The following FAM193A variants were observed in gnomAD, a reference collection of about 807,000 sequenced individuals.
The protein encoded by FAM193A is protein FAM193A.
Under a neutral mutation model 126.5 loss-of-function variants are expected in FAM193A, and 22 were observed. The ratio of observed to expected loss-of-function variants is 0.17; its 90% CI spans 0.12 to 0.25. FAM193A has a LOEUF of 0.25. Among genes scored for constraint, FAM193A ranks in the 10% least tolerant of loss-of-function variants. FAM193A has a pLI of 1.00. For missense variants in FAM193A, 1,675 were observed against 1,672.8 expected (o/e 1.00, Z -0.02); for synonymous variants, 761 against 646.8 (o/e 1.18, Z -2.68).
At chr4:2,646,400 G>A (rs923152228) in intron 6 of FAM193A, among the ~76,000 whole-genome samples, 3 of 151,800 alleles carry the variant, frequency 2.0e-5, no homozygotes, top group Admixed American at 2.0e-4. Context: ...TCGATCTCCC[G>A]ACCTCAGGTG....
intron 13 of FAM193A, among the ~76,000 whole-genome samples, chr4:2,686,671 C>T (rs1715776792): frequency 6.6e-6 from 1 of 152,178 alleles, no homozygotes; most frequent in Non-Finnish European, 1.5e-5. Flanking sequence ...TGAAACCAAA[C>T]AACTCATGGT....
chr4:2,706,877 T>C lies in FAM193A; in HGVS notation c.4372+6333T>C, dbSNP rs148695231. Among the ~76,000 whole-genome samples the C allele has an allele frequency of 2.0e-5, 3 of 151,170 alleles. No homozygotes were observed. The East Asian group carries it at 5.9e-4, about 29-fold the overall frequency. On this transcript the variant is annotated intron_variant, in intron 19 of 20. Transcript: ENST00000637812. The stretch of plus-strand genomic sequence containing the variant: ...GGCTCACACCTGTAATCCCAGCACT[T>C]TGGGAGGCCTGGGCAGGCGGATCAC...
intron 19 of FAM193A, among the ~76,000 whole-genome samples, chr4:2,710,834 T>C (rs1222537810): frequency 6.7e-6 from 1 of 148,188 alleles, no homozygotes; most frequent in East Asian, 2.0e-4. Context: ...TTCGTCTTTA[T>C]TTTCTTTCTG....
chr4:2,727,159 T>C (rs928091131), intron 20 of FAM193A, among the ~76,000 whole-genome samples: 3 of 151,896 alleles, frequency 2.0e-5, no homozygotes, highest in African/African-American at 7.3e-5. Flanking sequence ...CTCTGGAGGC[T>C]GAGGCAGGAG....
At chr4:2,611,462 C>T (rs901764597) in intron 2 of FAM193A, among the ~76,000 whole-genome samples, 10 of 151,728 alleles carry the variant, frequency 6.6e-5, no homozygotes, top group Admixed American at 2.0e-4. Flanking sequence ...TTAGTGGAAA[C>T]GGGGTTTCAC....
chr4:2,653,974 C>G (rs1011136076), intron 7 of FAM193A, among the ~76,000 whole-genome samples: 1 of 152,062 alleles, frequency 6.6e-6, no homozygotes, highest in Admixed American at 6.6e-5. Context: ...GCTATGTTCC[C>G]CTGAAGGCTT....
chr4:2,683,831 T>G (rs1715432329), intron 13 of FAM193A, among the ~76,000 whole-genome samples: 1 of 152,248 alleles, frequency 6.6e-6, no homozygotes, highest in African/African-American at 2.4e-5. Flanking sequence ...GGATGTTTTG[T>G]TCTATTGGGG....
intron 11 of FAM193A, 39 bp from the exon 12 acceptor site, chr4:2,663,070 G>A: frequency 1.9e-6 from 3 of 1,602,448 alleles, no homozygotes; most frequent in Non-Finnish European, 2.6e-6. Flanking sequence ...ATATTACTCT[G>A]TTTTGAAAAG....
intron 20 of FAM193A, among the ~76,000 whole-genome samples, chr4:2,719,134 G>GA (rs1211377746): frequency 1.3e-5 from 2 of 151,868 alleles, no homozygotes; most frequent in African/African-American, 4.8e-5. Flanking sequence ...AACAATACCA[G>GA]AAAAAATGAA....
At chr4:2,608,293 C>A (rs765403032) in intron 2 of FAM193A, 14 of 613,448 alleles carry the variant, frequency 2.3e-5, no homozygotes, top group Non-Finnish European at 3.7e-5. Flanking sequence ...ACCCTTCTGC[C>A]TCAGTCTCCT....
intron 6 of FAM193A, among the ~76,000 whole-genome samples, chr4:2,645,414 C>T (rs149222203): frequency 3.3e-5 from 5 of 152,322 alleles, no homozygotes; most frequent in East Asian, 3.9e-4. Flanking sequence ...CCATCTTGCT[C>T]AGTCTTTTCA....
chr4:2,644,521 G>T (rs1193625253), intron 6 of FAM193A, among the ~76,000 whole-genome samples: 1 of 152,188 alleles, frequency 6.6e-6, no homozygotes, highest in Non-Finnish European at 1.5e-5. Flanking sequence ...ATGTCTTAAG[G>T]AGTTTTGTCT....
In FAM193A at chr4:2,700,375, G is replaced by A. The variant is rs1163733233; in HGVS notation, c.4203G>A (p.Lys1401=). The A allele has an allele frequency of 6.2e-7, 1 of 1,614,036 alleles. No homozygotes were observed. The highest frequency in any genetic ancestry group is 8.5e-7 in the Non-Finnish European group (1 of 1,180,040). ...TCAACAGTAATAACAATAACAAAAA[G>A]CAGCTGAACCACATCAAGGACGAAA... ...RKVNSNNNNK[K]QLNHIKDEKS... Residue 1401 remains lysine, a synonymous_variant, in exon 19 of 21, where the codon AAG becomes AAA. Transcript: ENST00000637812.
At chr4:2,659,459 C>T in intron 8 of FAM193A, 99 bp from the exon 9 acceptor site, 1 of 821,272 alleles carries the variant, frequency 1.2e-6, no homozygotes, top group Non-Finnish European at 2.0e-6. Flanking sequence ...GAAGCAGTGC[C>T]CGTGAACATG....
intron 1 of FAM193A, among the ~76,000 whole-genome samples, chr4:2,548,398 C>T (rs1371271662): frequency 6.6e-6 from 1 of 151,858 alleles, no homozygotes; most frequent in African/African-American, 2.4e-5. Context: ...GAAAGTTCTC[C>T]ATGATTCTGA....
chr4:2,539,466 G>C (rs918370257), intron 1 of FAM193A, among the ~76,000 whole-genome samples: 3 of 152,086 alleles, frequency 2.0e-5, no homozygotes, highest in Non-Finnish European at 4.4e-5. Context: ...TGTTGCATAG[G>C]CTAGAGTACA....
At chr4:2,663,581 T>G (rs899293297) in intron 12 of FAM193A, among the ~76,000 whole-genome samples, 15 of 152,222 alleles carry the variant, frequency 9.9e-5, no homozygotes, top group South Asian at 4.1e-4. Flanking sequence ...CAGGAAAGGT[T>G]TGTTTTTCCT....
Position 2,732,115 on chromosome 4 carries a change from C to G in FAM193A, c.*247C>G, listed in dbSNP as rs1721469130. ...GTCGGATTGGAACAGTAGTTCCCGC[C>G]AAGTCCTCCCACCACCGCGGCCTCG... On this transcript the variant is annotated 3_prime_UTR_variant, in exon 21 of 21. Transcript: ENST00000637812. 1.9e-6 allele frequency: 1 copy of G among 528,092 alleles called. No individual in the cohort carries two copies. The highest frequency in any genetic ancestry group is 2.1e-5 in the South Asian group (1 of 47,830). 32.7% of individuals were successfully genotyped at this position (528,092 alleles called of 1,614,324 possible). A position where few individuals can be genotyped will look rare whatever the true frequency, so the allele number is the denominator to read the frequency against.
At chr4:2,597,147 A>C (rs542716885) in intron 2 of FAM193A, among the ~76,000 whole-genome samples, 2 of 151,714 alleles carry the variant, frequency 1.3e-5, no homozygotes, top group Non-Finnish European at 2.9e-5. Context: ...GCCAGTTTCT[A>C]TCCTTGGGGT....
Sources: gnomAD v4.1 joint callset for allele counts (sites outside exome capture counted in the v4.1 genomes callset) on GRCh38, gnomAD v4.1.1 for gene constraint, MANE v1.5 for transcripts, NCBI Gene and HGNC (gene_info 2026-07-23, HGNC 2026-07-21) for gene names.